CHRM5: variants seen among roughly 807,000 people sequenced by gnomAD.
The protein encoded by CHRM5 is muscarinic acetylcholine receptor M5.
Under a neutral mutation model 39.0 loss-of-function variants are expected in CHRM5, and 18 were observed. The observed-to-expected ratio is 0.46, with a 90% CI of 0.32 to 0.68. The LOEUF (loss-of-function observed/expected upper bound fraction) is 0.68. Ranked by LOEUF, CHRM5 falls within the 30% of genes least tolerant of loss-of-function variation. CHRM5 has a pLI of 0.04. For synonymous variants in CHRM5, 241 were observed against 246.3 expected (o/e 0.98, Z 0.20); for missense variants, 515 against 651.1 (o/e 0.79, Z 2.28).
In CHRM5 at chr15:34,065,090, A is replaced by C. The variant is rs946605396; in HGVS notation, c.*774A>C. The C allele has an allele frequency of 6.0e-6, 1 of 166,166 alleles. No homozygotes were observed. Among genetic ancestry groups the C allele is most frequent in the Admixed American group, 6.5e-5 (1 of 15,286 alleles). 10.3% of individuals were successfully genotyped at this position (166,166 alleles called of 1,614,324 possible). ...TAATAAAGATGGATCAAGTCTCCAC[A>C]GTCAGTTATTTTAGTTTTTGCCAGT... On this transcript the variant is annotated 3_prime_UTR_variant, in exon 3 of 3. Transcript: ENST00000383263.
rs1900511804 is a variant in CHRM5, at chr15:34,066,408, CAAAA to C, written c.*2093_*2096del. 6.6e-6 allele frequency: 1 copy of C among 152,256 alleles called. No homozygotes were observed. Among genetic ancestry groups the C allele is most frequent in the South Asian group, 2.1e-4 (1 of 4,834 alleles). 9.4% of individuals were successfully genotyped at this position (152,256 alleles called of 1,614,324 possible). A position where few individuals can be genotyped will look rare whatever the true frequency, so the allele number is the denominator to read the frequency against. The stretch of plus-strand genomic sequence containing the variant: ...TGAGAGTGAAACAAGCTAATTTAAA[CAAAA>C]GAACACAAATCGGGAAAGGATGCCA... On this transcript the variant is annotated 3_prime_UTR_variant, in exon 3 of 3. Transcript: ENST00000383263.
At chr15:34,001,063 C>CA (rs1380123924) in intron 1 of CHRM5, among the ~76,000 whole-genome samples, 1 of 149,788 alleles carries the variant, frequency 6.7e-6, no homozygotes, top group Non-Finnish European at 1.5e-5. Context: ...TCTTGTTGCC[C>CA]AGGCTGGAGT....
At chr15:33,984,516 C>G (rs568441935) in intron 1 of CHRM5, among the ~76,000 whole-genome samples, 11 of 152,082 alleles carry the variant, frequency 7.2e-5, no homozygotes, top group African/African-American at 2.4e-4. Flanking sequence ...AATTCTCCTG[C>G]CTCAGCCTCC....
Position 34,030,343 on chromosome 15 carries a change from G to T in CHRM5, c.-407-16197G>T, listed in dbSNP as rs529221519. Reference sequence around the variant, plus strand: ...TTTTGAGAATACTAGGTTTTGGGGGGTTTTTTGTTTTGTTTTGTTTGAGAC... The same window carrying T: ...TTTTGAGAATACTAGGTTTTGGGGGTTTTTTTGTTTTGTTTTGTTTGAGAC... On this transcript the variant is annotated intron_variant, in intron 1 of 2. Coordinates refer to ENST00000383263, the MANE Select transcript of CHRM5 (RefSeq NM_012125.4). Among the ~76,000 whole-genome samples the T allele has an allele frequency of 6.6e-5, 10 of 152,164 alleles. No individual in the cohort carries two copies. The South Asian group carries it at 1.9e-3, about 28-fold the overall frequency.
chr15:33,996,540 C>T (rs4542632), intron 1 of CHRM5, among the ~76,000 whole-genome samples: 31,822 of 152,148 alleles, frequency 0.21, 5,119 homozygotes, highest in African/African-American at 0.45. Flanking sequence ...CTGCAGCCTC[C>T]GCTGGTGATA....
At chr15:34,033,383 G>A (rs1898954102) in intron 1 of CHRM5, among the ~76,000 whole-genome samples, 1 of 152,016 alleles carries the variant, frequency 6.6e-6, no homozygotes, top group Non-Finnish European at 1.5e-5. Flanking sequence ...GTGTGCACCT[G>A]TAGTCCCAGC....
chr15:34,004,360 A>G (rs915755211), intron 1 of CHRM5, among the ~76,000 whole-genome samples: 12 of 152,248 alleles, frequency 7.9e-5, no homozygotes, highest in African/African-American at 2.9e-4. Context: ...AGTTTCTTCA[A>G]TAAATAAACT....
intron 1 of CHRM5, among the ~76,000 whole-genome samples, chr15:33,975,812 C>G (rs780181876): frequency 6.6e-6 from 1 of 152,178 alleles, no homozygotes; most frequent in Non-Finnish European, 1.5e-5. Flanking sequence ...TGCCTGTAGT[C>G]CCAGCTACTC....
chr15:34,042,877 G>T (rs1336056006), intron 1 of CHRM5, among the ~76,000 whole-genome samples: 1 of 152,126 alleles, frequency 6.6e-6, no homozygotes, highest in African/African-American at 2.4e-5. Flanking sequence ...AGTTGATTCT[G>T]ATGCATCCTC....
chr15:33,999,026 T>C (rs1897043313), intron 1 of CHRM5, among the ~76,000 whole-genome samples: 1 of 152,240 alleles, frequency 6.6e-6, no homozygotes, highest in African/African-American at 2.4e-5. Context: ...TATTAGATGT[T>C]GTGCTGGGTC....
intron 1 of CHRM5, among the ~76,000 whole-genome samples, chr15:34,019,645 C>T (rs191635784): frequency 6.6e-6 from 1 of 152,322 alleles, no homozygotes; most frequent in East Asian, 1.9e-4. Flanking sequence ...TTTTACTGTA[C>T]CTTTTTTATG....
At chr15:34,031,992 G>A (rs1898861198) in intron 1 of CHRM5, among the ~76,000 whole-genome samples, 1 of 147,276 alleles carries the variant, frequency 6.8e-6, no homozygotes, top group Admixed American at 7.1e-5. Context: ...ACTTATTTCT[G>A]GCACCTCAAC....
At chr15:34,017,495 T>TTTTG (rs1567469678) in intron 1 of CHRM5, among the ~76,000 whole-genome samples, 2 of 108,380 alleles carry the variant, frequency 1.8e-5, no homozygotes, top group African/African-American at 5.3e-5. Flanking sequence ...TTTTTTTTTT[T>TTTTG]TTTTTGAGAC....
At chr15:33,974,648 G>C (rs1179324155) in intron 1 of CHRM5, among the ~76,000 whole-genome samples, 1 of 152,198 alleles carries the variant, frequency 6.6e-6, no homozygotes, top group Non-Finnish European at 1.5e-5. Context: ...ACAGAAATCT[G>C]TGATTTGATG....
At chr15:34,022,743 G>C (rs1898258334) in intron 1 of CHRM5, among the ~76,000 whole-genome samples, 1 of 152,166 alleles carries the variant, frequency 6.6e-6, no homozygotes, top group African/African-American at 2.4e-5. Context: ...GATTAAAAAA[G>C]GAAAGCATTC....
chr15:34,009,200 C>T (rs994447854), intron 1 of CHRM5, among the ~76,000 whole-genome samples: 8 of 151,932 alleles, frequency 5.3e-5, no homozygotes, highest in African/African-American at 1.9e-4. Flanking sequence ...AAAGACATTC[C>T]CAGATAAACA....
intron 1 of CHRM5, among the ~76,000 whole-genome samples, chr15:34,038,323 G>C (rs1281073197): frequency 6.6e-6 from 1 of 152,222 alleles, no homozygotes; most frequent in African/African-American, 2.4e-5. Context: ...TGCACAGACA[G>C]TTAACAAAAC....
intron 2 of CHRM5, among the ~76,000 whole-genome samples, chr15:34,052,844 G>C (rs1004853769): frequency 6.6e-6 from 1 of 152,124 alleles, no homozygotes; most frequent in Non-Finnish European, 1.5e-5. Flanking sequence ...TGAAATCAGA[G>C]AGGACACAAA....
chr15:34,063,824 T>C lies in CHRM5; in HGVS notation c.1107T>C (p.His369=). 4 of 1,614,190 alleles carry C rather than the reference T, an allele frequency of 2.5e-6. No individual in the cohort carries two copies. The highest frequency in any genetic ancestry group is 3.4e-6 in the Non-Finnish European group (4 of 1,180,026). Reference sequence around the variant, plus strand: ...ACCTTCTGTCTCCAGCAGCTGCTCATAGACCCAAGAGTCAGAAATGTGTGG... The same window carrying C: ...ACCTTCTGTCTCCAGCAGCTGCTCACAGACCCAAGAGTCAGAAATGTGTGG... ...PNYLLSPAAA[H]RPKSQKCVAY... The change falls in exon 3 of 3, where the codon CAT becomes CAC. Residue 369 remains histidine (H), a synonymous_variant. Coordinates refer to ENST00000383263, the MANE Select transcript of CHRM5 (RefSeq NM_012125.4). This position sits in a 1 kb window ranked among gnomAD's most constrained non-coding sequence, Gnocchi z 4.1.
Sources: gnomAD v4.1 joint callset for allele counts (sites outside exome capture counted in the v4.1 genomes callset) on GRCh38, gnomAD v4.1.1 for gene constraint, Gnocchi (gnomAD v3.1) non-coding constraint, MANE v1.5 for transcripts, NCBI Gene and HGNC (gene_info 2026-07-23, HGNC 2026-07-21) for gene names.